Variants in MACROD2 observed in about 807,000 individuals in gnomAD.
The protein encoded by MACROD2 is mono-ADP ribosylhydrolase 2, also known as ADP-ribose glycohydrolase MACROD2.
In MACROD2, 36 loss-of-function variants were observed where a neutral mutation model predicts 70.4. The observed-to-expected ratio is 0.51, with a 90% CI of 0.39 to 0.68. MACROD2 has a LOEUF of 0.68. Ranked by LOEUF, MACROD2 falls within the 30% of genes least tolerant of loss-of-function variation. The pLI is 0.00. For missense variants in MACROD2, 496 were observed against 538.4 expected (o/e 0.92, Z 0.78); for synonymous variants, 172 against 178.8 (o/e 0.96, Z 0.30).
At chr20:14,731,321 C>G (rs909865787) in intron 5 of MACROD2, among the ~76,000 whole-genome samples, 1 of 152,074 alleles carries the variant, frequency 6.6e-6, no homozygotes. Context: ...CATATTTGTC[C>G]TCATTATAGA....
At chr20:15,557,118 T>A (rs1213761741) in intron 8 of MACROD2, among the ~76,000 whole-genome samples, 2 of 152,064 alleles carry the variant, frequency 1.3e-5, no homozygotes, top group Admixed American at 6.6e-5. Flanking sequence ...TGCTGATTCA[T>A]CATTGCAGTA....
At chr20:14,865,578 T>C (rs2073419885) in intron 5 of MACROD2, among the ~76,000 whole-genome samples, 1 of 152,114 alleles carries the variant, frequency 6.6e-6, no homozygotes, top group Non-Finnish European at 1.5e-5. Flanking sequence ...ATTGATGGCT[T>C]TTCAGAATTT....
chr20:14,470,403 G>A (rs2084514313), intron 3 of MACROD2, among the ~76,000 whole-genome samples: 1 of 152,174 alleles, frequency 6.6e-6, no homozygotes, highest in Non-Finnish European at 1.5e-5. Flanking sequence ...GAGATACGGG[G>A]ATCGAGGACT....
chr20:15,404,240 T>C (rs1422539027), intron 6 of MACROD2, among the ~76,000 whole-genome samples: 1 of 152,260 alleles, frequency 6.6e-6, no homozygotes, highest in Non-Finnish European at 1.5e-5. Context: ...AACAGGATTT[T>C]GATTTTATGT....
At chr20:15,870,283 A>G (rs2064561423) in intron 9 of MACROD2, among the ~76,000 whole-genome samples, 1 of 151,266 alleles carries the variant, frequency 6.6e-6, no homozygotes, top group South Asian at 2.1e-4. Context: ...TTTTATCTTG[A>G]TCTCATCAAT....
At chr20:14,748,156 A>AAATGCCCAT in intron 5 of MACROD2, among the ~76,000 whole-genome samples, 1 of 152,152 alleles carries the variant, frequency 6.6e-6, no homozygotes, top group East Asian at 1.9e-4. Context: ...TAACCCAGTT[A>AAATGCCCAT]GTTCCTACAC....
chr20:15,820,155 C>T (rs1360039971), intron 8 of MACROD2, among the ~76,000 whole-genome samples: 1 of 152,032 alleles, frequency 6.6e-6, no homozygotes, highest in East Asian at 1.9e-4. Context: ...TTTCCATTAG[C>T]CATCCTCCAC....
At chr20:14,040,013 A>T in intron 2 of MACROD2, among the ~76,000 whole-genome samples, 1 of 152,180 alleles carries the variant, frequency 6.6e-6, no homozygotes, top group East Asian at 1.9e-4. Flanking sequence ...TATTTCAGTG[A>T]CTTCAGAAAG....
chr20:15,270,733 G>A (rs189056755), intron 6 of MACROD2, among the ~76,000 whole-genome samples: 2 of 152,152 alleles, frequency 1.3e-5, no homozygotes, highest in East Asian at 3.9e-4. Flanking sequence ...TGATCTTTAT[G>A]TACTAGAAAT....
At chr20:14,488,399 G>A (rs895408726) in intron 3 of MACROD2, among the ~76,000 whole-genome samples, 23 of 152,130 alleles carry the variant, frequency 1.5e-4, no homozygotes. Context: ...CTGGTATGTA[G>A]CACATTCTGA....
chr20:14,301,626 A>C (rs1000553097), intron 3 of MACROD2, among the ~76,000 whole-genome samples: 1 of 152,214 alleles, frequency 6.6e-6, no homozygotes, highest in African/African-American at 2.4e-5. Flanking sequence ...TGATCAAATA[A>C]TGACCTTCGT....
At chr20:14,396,178 G>A (rs886724868) in intron 3 of MACROD2, among the ~76,000 whole-genome samples, 9 of 152,168 alleles carry the variant, frequency 5.9e-5, no homozygotes, top group Admixed American at 3.9e-4. Flanking sequence ...TGTTCCATGT[G>A]CACTTGAAAA....
intron 8 of MACROD2, among the ~76,000 whole-genome samples, chr20:15,557,144 C>T (rs2048179112): frequency 3.3e-5 from 5 of 151,656 alleles, no homozygotes; most frequent in African/African-American, 1.2e-4. Context: ...CACTTCTCTG[C>T]ATTTCTTCAT....
chr20:15,467,027 C>G (rs1288448269), intron 7 of MACROD2, among the ~76,000 whole-genome samples: 1 of 152,182 alleles, frequency 6.6e-6, no homozygotes, highest in Non-Finnish European at 1.5e-5. Flanking sequence ...CCATGGTCCT[C>G]CTGTCTATGC....
chr20:15,808,532 A>G (rs938975206), intron 8 of MACROD2, among the ~76,000 whole-genome samples: 14 of 152,180 alleles, frequency 9.2e-5, no homozygotes, highest in African/African-American at 2.7e-4. Context: ...GAAAATTCAT[A>G]TATTTCAACT....
chr20:14,047,352 G>A (rs1175506694), intron 2 of MACROD2, among the ~76,000 whole-genome samples: 1 of 151,800 alleles, frequency 6.6e-6, no homozygotes, highest in African/African-American at 2.4e-5. Flanking sequence ...CTATTTGGGA[G>A]GCTGAGTCAG....
At chr20:15,279,773 A>G (rs1177654101) in intron 6 of MACROD2, among the ~76,000 whole-genome samples, 1 of 152,216 alleles carries the variant, frequency 6.6e-6, no homozygotes, top group Non-Finnish European at 1.5e-5. Context: ...TCTTTTAAGC[A>G]TCTACCGTAT....
chr20:15,174,847 G>A (rs1437025148), intron 5 of MACROD2, among the ~76,000 whole-genome samples: 1 of 151,978 alleles, frequency 6.6e-6, no homozygotes, highest in East Asian at 1.9e-4. Flanking sequence ...CTTTTTGATG[G>A]GGTTGTTTGT....
chr20:14,736,615 A>G (rs2071668197), intron 5 of MACROD2, among the ~76,000 whole-genome samples: 1 of 152,214 alleles, frequency 6.6e-6, no homozygotes, highest in Non-Finnish European at 1.5e-5. Flanking sequence ...ATAGATAATG[A>G]TAACGTACTC....
Sources: gnomAD v4.1 joint callset for allele counts (sites outside exome capture counted in the v4.1 genomes callset) on GRCh38, gnomAD v4.1.1 for gene constraint, MANE v1.5 for transcripts, NCBI Gene and HGNC (gene_info 2026-07-23, HGNC 2026-07-21) for gene names.